Variants in FGF14 observed in about 807,000 individuals in gnomAD.
The protein encoded by FGF14 is fibroblast growth factor 14.
Under a neutral mutation model 25.5 loss-of-function variants are expected in FGF14, and 5 were observed. That is an observed-to-expected ratio of 0.20 (90% CI 0.10 to 0.41). The LOEUF (loss-of-function observed/expected upper bound fraction) is 0.41. Ranked by LOEUF, FGF14 falls within the 10% of genes least tolerant of loss-of-function variation. The pLI is 1.00. For synonymous variants in FGF14, 138 were observed against 118.3 expected (o/e 1.17, Z -1.08); for missense variants, 222 against 320.1 (o/e 0.69, Z 2.34).
At chr13:102,227,841 C>A (rs2050897191) in intron 1 of FGF14, among the ~76,000 whole-genome samples, 1 of 152,100 alleles carries the variant, frequency 6.6e-6, no homozygotes, top group African/African-American at 2.4e-5. Flanking sequence ...TGGGTACTTT[C>A]AATCAAGCAT....
At chr13:102,126,320 A>T (rs1291567997) in intron 1 of FGF14, among the ~76,000 whole-genome samples, 1 of 152,202 alleles carries the variant, frequency 6.6e-6, no homozygotes, top group Non-Finnish European at 1.5e-5. Context: ...ATCATACAAT[A>T]TGTGTCCTAT....
In FGF14 at chr13:102,066,944, T is replaced by A. The variant is rs141092901; in HGVS notation, c.209-191648A>T. Among the ~76,000 whole-genome samples, 707 of 152,282 alleles carry A rather than the reference T, an allele frequency of 4.6e-3. 2 individuals carry two copies. Among genetic ancestry groups the A allele is most frequent in the African/African-American group, 0.014 (574 of 41,536 alleles). On this transcript the variant is annotated intron_variant, in intron 1 of 4. Coordinates refer to the FGF14 transcript ENST00000376131. Reference sequence around the variant, plus strand: ...CAAAAGCTGCACAGTTCTCCGTGGCTTACAGAAAGTAAAAAATTGTATTTA... The same window carrying A: ...CAAAAGCTGCACAGTTCTCCGTGGCATACAGAAAGTAAAAAATTGTATTTA...
intron 1 of FGF14, among the ~76,000 whole-genome samples, chr13:101,974,172 T>G (rs2037784886): frequency 6.6e-6 from 1 of 152,332 alleles, no homozygotes; most frequent in East Asian, 1.9e-4. Flanking sequence ...AAGTCAGTCC[T>G]TGTAAAGTTT....
intron 1 of FGF14, among the ~76,000 whole-genome samples, chr13:102,352,605 G>T (rs564825070): frequency 6.6e-6 from 1 of 152,086 alleles, no homozygotes; most frequent in Admixed American, 6.5e-5. Flanking sequence ...GAGGTCAGGA[G>T]ATCGAGACCA....
Position 101,714,456 on chromosome 13 carries a change from A to G in FGF14, c.*8375T>C. The G allele has an allele frequency of 1.9e-6, 3 of 1,607,040 alleles. No individual in the cohort carries two copies. The highest frequency in any genetic ancestry group is 2.6e-6 in the Non-Finnish European group (3 of 1,173,672). On this transcript the variant is annotated 3_prime_UTR_variant, in exon 5 of 5. Transcript: ENST00000376143. ...ATTTCAGGTTCTTGTCATTGTGGGAAGTGCATTTGTTCTGCTGAAGAGTGG... is the reference window on the plus strand; with the variant it reads ...ATTTCAGGTTCTTGTCATTGTGGGAGGTGCATTTGTTCTGCTGAAGAGTGG...
rs2058575796 is a variant in FGF14, at chr13:102,396,087, G to A, written c.208+5384C>T. ...GAAAACTCCATGCCCTTCAGTACCC[G>A]GGTTCAACACATAACTAAACCTTGT... On this transcript the variant is annotated intron_variant, in intron 1 of 4. Transcript: ENST00000376131. Among the ~76,000 whole-genome samples the A allele has an allele frequency of 3.3e-5, 5 of 152,096 alleles. No homozygotes were observed. In the South Asian group the frequency reaches 8.3e-4, roughly 25 times the overall value.
At chr13:101,819,522 A>G (rs1042938162) in intron 3 of FGF14, among the ~76,000 whole-genome samples, 9 of 152,232 alleles carry the variant, frequency 5.9e-5, no homozygotes, top group Non-Finnish European at 1.2e-4. Flanking sequence ...GTGATGTAAA[A>G]GTAAACTTAA....
At chr13:101,994,309 T>A (rs2039065368) in intron 1 of FGF14, among the ~76,000 whole-genome samples, 2 of 152,020 alleles carry the variant, frequency 1.3e-5, no homozygotes, top group African/African-American at 2.4e-5. Flanking sequence ...ATAAATAGAT[T>A]AATTAATGTC....
intron 1 of FGF14, among the ~76,000 whole-genome samples, chr13:102,305,059 C>G (rs780504319): frequency 6.6e-6 from 1 of 152,048 alleles, no homozygotes; most frequent in Non-Finnish European, 1.5e-5. Context: ...GAAAGTAAAC[C>G]TGAAAAGTCA....
chr13:102,006,365 T>A (rs964329714), intron 1 of FGF14, among the ~76,000 whole-genome samples: 9 of 152,142 alleles, frequency 5.9e-5, no homozygotes, highest in African/African-American at 1.7e-4. Context: ...CAATCAACAA[T>A]ACTGATGGTG....
In FGF14 at chr13:101,855,988, G is replaced by A. The variant is rs144364797; in HGVS notation, c.408+12737C>T. Among the ~76,000 whole-genome samples, 1,270 of 150,768 alleles carry A rather than the reference G, an allele frequency of 8.4e-3. 9 individuals are homozygous for A. Among genetic ancestry groups the A allele is most frequent in the Non-Finnish European group, 0.014 (949 of 67,648 alleles). ...CAGTGTGCAAGCCTTCTTGTACAAT[G>A]TAATTTTAAATTAAATAAAGTCTCA... On this transcript the variant is annotated intron_variant, in intron 3 of 4. Transcript: ENST00000376143.
intron 1 of FGF14, among the ~76,000 whole-genome samples, chr13:102,125,723 G>T (rs1406856355): frequency 6.6e-6 from 1 of 152,110 alleles, no homozygotes; most frequent in Non-Finnish European, 1.5e-5. Flanking sequence ...TTCTAGTATA[G>T]CATTCAATTG....
intron 1 of FGF14, among the ~76,000 whole-genome samples, chr13:102,099,927 T>C (rs1398159264): frequency 6.6e-6 from 1 of 152,168 alleles, no homozygotes; most frequent in African/African-American, 2.4e-5. Flanking sequence ...TTCACAGCTA[T>C]GGATTTATTT....
At chr13:102,317,137 C>T (rs1255931718) in intron 1 of FGF14, among the ~76,000 whole-genome samples, 4 of 152,170 alleles carry the variant, frequency 2.6e-5, no homozygotes. Context: ...CCTACACTAA[C>T]TACTTGCTAC....
In FGF14 at chr13:102,109,857, TG is replaced by T. The variant is rs1236201611; in HGVS notation, c.209-234562del. Among the ~76,000 whole-genome samples, 8 of 152,278 alleles carry T rather than the reference TG, an allele frequency of 5.3e-5. No individual in the cohort carries two copies. The South Asian group carries it at 1.7e-3, about 32-fold the overall frequency. On this transcript the variant is annotated intron_variant, in intron 1 of 4. Coordinates refer to the FGF14 transcript ENST00000376131. ...CTGGTCTCGAACTCCCGACCTCAGG[TG>T]ATCTGCCTGCCTCGGCCTTCCAAAG...
chr13:102,143,343 A>T (rs959973126), intron 1 of FGF14, among the ~76,000 whole-genome samples: 14 of 151,500 alleles, frequency 9.2e-5, no homozygotes, highest in Non-Finnish European at 1.6e-4. Context: ...ACTCAGATTT[A>T]AAAAAAAATG....
At chr13:102,219,549 A>G (rs1427735023) in intron 1 of FGF14, among the ~76,000 whole-genome samples, 2 of 152,232 alleles carry the variant, frequency 1.3e-5, no homozygotes, top group African/African-American at 2.4e-5. Flanking sequence ...CCATGAAAGA[A>G]AAAGTAATAT....
intron 1 of FGF14, among the ~76,000 whole-genome samples, chr13:102,043,390 A>T (rs2041834852): frequency 6.6e-6 from 1 of 152,162 alleles, no homozygotes; most frequent in African/African-American, 2.4e-5. Flanking sequence ...ATTGTTTAAC[A>T]ACTGTCAAAC....
At chr13:101,976,712 CT>C (rs1310116541) in intron 1 of FGF14, among the ~76,000 whole-genome samples, 1 of 152,138 alleles carries the variant, frequency 6.6e-6, no homozygotes, top group Non-Finnish European at 1.5e-5. Context: ...TCATTCAGTA[CT>C]TGGTTAAATC....
Sources: gnomAD v4.1 joint callset for allele counts (sites outside exome capture counted in the v4.1 genomes callset) on GRCh38, gnomAD v4.1.1 for gene constraint, MANE v1.5 for transcripts, NCBI Gene and HGNC (gene_info 2026-07-23, HGNC 2026-07-21) for gene names.